The following FMN1 variants were observed in gnomAD, a reference collection of about 807,000 sequenced individuals.
FMN1 encodes formin-1.
A neutral mutation model predicts 132.4 loss-of-function variants in FMN1; 110 were observed. The ratio of observed to expected loss-of-function variants is 0.83; its 90% CI spans 0.71 to 0.97. The LOEUF (loss-of-function observed/expected upper bound fraction) is 0.97. Ranked by LOEUF, FMN1 falls within the 50% of genes least tolerant of loss-of-function variation. The pLI, the probability that FMN1 is intolerant of heterozygous loss-of-function variation, is 0.00. For missense variants in FMN1, 1,792 were observed against 1,705.3 expected, an observed-to-expected ratio of 1.05 and a Z score of -0.90; for synonymous variants, 722 against 651.7, an observed-to-expected ratio of 1.11 and a Z score of -1.64.
At chr15:33,151,800 A>G (rs1964450828) in intron 4 of FMN1, among the ~76,000 whole-genome samples, 1 of 152,236 alleles carries the variant, frequency 6.6e-6, no homozygotes, top group South Asian at 2.1e-4. Flanking sequence ...AATACATGAT[A>G]TAAAATCTAC....
intron 4 of FMN1, among the ~76,000 whole-genome samples, chr15:33,136,936 AAGTT>A (rs912578027): frequency 6.6e-6 from 1 of 151,950 alleles, no homozygotes. Flanking sequence ...AAAAATACAA[AAGTT>A]AGCCAGGCGT....
intron 17 of FMN1, among the ~76,000 whole-genome samples, chr15:32,853,297 T>G (rs961832910): frequency 6.6e-6 from 1 of 152,230 alleles, no homozygotes; most frequent in Admixed American, 6.5e-5. Flanking sequence ...TGCCTAATTA[T>G]AGTACCACAT....
intron 4 of FMN1, among the ~76,000 whole-genome samples, chr15:33,119,957 CATG>C (rs373351297): frequency 3.3e-5 from 5 of 152,170 alleles, no homozygotes; most frequent in African/African-American, 9.7e-5. Context: ...GTTTTGCAAA[CATG>C]ATCTTATTAA....
chr15:33,098,508 T>C (rs911708353), intron 4 of FMN1, among the ~76,000 whole-genome samples: 3 of 152,138 alleles, frequency 2.0e-5, no homozygotes, highest in African/African-American at 7.2e-5. Flanking sequence ...TGGGAGACAA[T>C]GACACAGGAG....
chr15:32,832,498 G>T (rs2058524947), intron 17 of FMN1, among the ~76,000 whole-genome samples: 1 of 152,094 alleles, frequency 6.6e-6, no homozygotes, highest in Admixed American at 6.6e-5. Flanking sequence ...AGGCAGAGGG[G>T]GCTGGGTGCG....
At chr15:33,051,865 T>C (rs2036990851) in intron 6 of FMN1, among the ~76,000 whole-genome samples, 1 of 152,104 alleles carries the variant, frequency 6.6e-6, no homozygotes, top group South Asian at 2.1e-4. Context: ...AAACCCCAAG[T>C]CAAAGGTCAA....
chr15:32,806,585 T>C (rs1326107798), intron 17 of FMN1, among the ~76,000 whole-genome samples: 1 of 152,224 alleles, frequency 6.6e-6, no homozygotes, highest in Non-Finnish European at 1.5e-5. Context: ...GTCTTCAAAA[T>C]GCTCTAGAAG....
At chr15:33,005,385 A>T (rs78438134) in intron 7 of FMN1, among the ~76,000 whole-genome samples, 1 of 152,188 alleles carries the variant, frequency 6.6e-6, no homozygotes, top group Non-Finnish European at 1.5e-5. Context: ...TTAAAAATCT[A>T]AAGTATAGTT....
At position 33,153,762 on chromosome 15, in the gene FMN1, G is replaced by A. The variant is rs761558021; in HGVS notation, c.1153C>T (p.Arg385Trp). ...TCCCCTTGCCGCTCCTTGCCCTGCCGCCTGGAGCCATGAGCCCCAGCCTCA... is the reference window on the plus strand; with the variant it reads ...TCCCCTTGCCGCTCCTTGCCCTGCCACCTGGAGCCATGAGCCCCAGCCTCA... ...GAEAGAHGSR[R>W]QGKERQGDRS... is the part of the protein sequence containing the mutation. The change falls in exon 4 of 21, where the codon CGG becomes TGG. Residue 385 changes from arginine to tryptophan, a missense_variant. Arg to Trp is a moderately radical substitution (Grantham distance 101). Coordinates refer to ENST00000616417, the MANE Select transcript of FMN1 (RefSeq NM_001277313.2). The A allele has an allele frequency of 1.4e-5, 21 of 1,536,140 alleles. No homozygotes were observed. The highest frequency in any genetic ancestry group is 7.1e-5 in the South Asian group (6 of 84,064).
chr15:32,819,083 T>A (rs1010843467), intron 17 of FMN1, among the ~76,000 whole-genome samples: 1 of 152,204 alleles, frequency 6.6e-6, no homozygotes, highest in African/African-American at 2.4e-5. Context: ...TTTCACATGA[T>A]CTGCGAAGGC....
At chr15:32,873,733 A>C (rs1230445548) in intron 16 of FMN1, among the ~76,000 whole-genome samples, 1 of 152,158 alleles carries the variant, frequency 6.6e-6, no homozygotes, top group Admixed American at 6.5e-5. Flanking sequence ...GCTAGGTGTC[A>C]CAGATTCTGA....
chr15:32,955,125 T>A (rs1207490030), intron 9 of FMN1, among the ~76,000 whole-genome samples: 1 of 152,206 alleles, frequency 6.6e-6, no homozygotes, highest in African/African-American at 2.4e-5. Flanking sequence ...ATAGGAACCG[T>A]CTCACTGGGT....
At chr15:32,922,511 ACT>A (rs1241700218) in intron 10 of FMN1, among the ~76,000 whole-genome samples, 3 of 152,108 alleles carry the variant, frequency 2.0e-5, no homozygotes, top group Non-Finnish European at 4.4e-5. Context: ...GAGAAGCAAA[ACT>A]CTTCCTGAAT....
intron 7 of FMN1, among the ~76,000 whole-genome samples, chr15:32,999,458 A>AT (rs1466296042): frequency 1.9e-4 from 29 of 152,354 alleles, no homozygotes; most frequent in African/African-American, 6.0e-4. Context: ...GGAGGCCAGC[A>AT]TACCATTTCA....
At chr15:32,912,686 A>G (rs2060591190) in intron 10 of FMN1, among the ~76,000 whole-genome samples, 1 of 152,102 alleles carries the variant, frequency 6.6e-6, no homozygotes. Flanking sequence ...CGTCCCAGGG[A>G]GAGGTAACTG....
At chr15:32,850,336 C>T (rs995906656) in intron 17 of FMN1, among the ~76,000 whole-genome samples, 4 of 151,596 alleles carry the variant, frequency 2.6e-5, no homozygotes, top group Non-Finnish European at 5.9e-5. Context: ...TATTTTGCAA[C>T]TTAGAGATTT....
chr15:32,950,056 T>C (rs868110531), intron 9 of FMN1, among the ~76,000 whole-genome samples: 2 of 71,658 alleles, frequency 2.8e-5, no homozygotes, highest in African/African-American at 1.4e-4. Flanking sequence ...TATATACACA[T>C]ATATATATAT....
intron 4 of FMN1, among the ~76,000 whole-genome samples, chr15:33,103,699 T>C (rs345782): frequency 0.69 from 105,259 of 151,956 alleles, 36,867 homozygotes; most frequent in East Asian, 0.84. Context: ...TTCATTTTGT[T>C]ATGTAGAAGA....
At chr15:33,007,231 T>C (rs2034468242) in intron 7 of FMN1, among the ~76,000 whole-genome samples, 1 of 152,144 alleles carries the variant, frequency 6.6e-6, no homozygotes, top group Non-Finnish European at 1.5e-5. Context: ...AAATGTCTGA[T>C]CCACAGATTG....
Sources: gnomAD v4.1 joint callset for allele counts (sites outside exome capture counted in the v4.1 genomes callset) on GRCh38, gnomAD v4.1.1 for gene constraint, MANE v1.5 for transcripts, NCBI Gene and HGNC (gene_info 2026-07-23, HGNC 2026-07-21) for gene names.